DCAF12: variants seen among roughly 807,000 people sequenced by gnomAD.
The protein encoded by DCAF12 is DDB1- and CUL4-associated factor 12.
A neutral mutation model predicts 52.8 loss-of-function variants in DCAF12; 28 were observed. The observed-to-expected ratio is 0.53, with a 90% CI of 0.39 to 0.73. The LOEUF (loss-of-function observed/expected upper bound fraction) is 0.73. Ranked by LOEUF, DCAF12 falls within the 30% of genes least tolerant of loss-of-function variation. The pLI is 0.00. For missense variants in DCAF12, 425 were observed against 552.2 expected (o/e 0.77, Z 2.31); for synonymous variants, 196 against 215.5 (o/e 0.91, Z 0.79).
At chr9:34,088,597 C>T in intron 8 of DCAF12, 89 bp from the exon 9 acceptor site, 1 of 1,461,490 alleles carries the variant, frequency 6.8e-7, no homozygotes, top group South Asian at 1.2e-5. Context: ...TTCTGGTCTC[C>T]TTAAGGGAAC....
rs1430044252 is a variant in DCAF12, at chr9:34,102,464, C to T, written c.602-3947G>A. On this transcript the variant is annotated intron_variant, in intron 4 of 8. Coordinates refer to ENST00000361264, the MANE Select transcript of DCAF12 (RefSeq NM_015397.4). The stretch of plus-strand genomic sequence containing the variant: ...GATAACGAGGTCAGGAGTTTGAGAC[C>T]GACCTGACCAACATGGTGAAACCCT... Among the ~76,000 whole-genome samples the T allele has an allele frequency of 2.0e-5, 3 of 151,306 alleles. No individual in the cohort carries two copies. In the East Asian group the frequency reaches 5.9e-4, roughly 30 times the overall value.
chr9:34,091,604 C>T (rs1472974055), intron 7 of DCAF12, among the ~76,000 whole-genome samples: 2 of 142,864 alleles, frequency 1.4e-5, no homozygotes, highest in Admixed American at 7.3e-5. Flanking sequence ...CACCACTTTC[C>T]TCCAGCCTGG....
chr9:34,117,154 T>C (rs557275945), intron 2 of DCAF12, among the ~76,000 whole-genome samples: 1 of 152,348 alleles, frequency 6.6e-6, no homozygotes, highest in Non-Finnish European at 1.5e-5. Flanking sequence ...GAATCATGAC[T>C]TCGTGGAAGG....
chr9:34,094,554 G>T (rs1186258522), intron 6 of DCAF12, among the ~76,000 whole-genome samples: 2 of 142,962 alleles, frequency 1.4e-5, no homozygotes, highest in East Asian at 2.0e-4. Flanking sequence ...TTTTTGAGAC[G>T]GAGTCTCGCA....
chr9:34,122,619 G>C (rs1356799821), intron 2 of DCAF12, among the ~76,000 whole-genome samples: 1 of 151,924 alleles, frequency 6.6e-6, no homozygotes, highest in Non-Finnish European at 1.5e-5. Flanking sequence ...TGGGATTACA[G>C]GCACCCACCA....
intron 5 of DCAF12, among the ~76,000 whole-genome samples, chr9:34,097,724 G>C (rs534862722): frequency 1.3e-5 from 2 of 152,160 alleles, no homozygotes; most frequent in South Asian, 4.1e-4. Context: ...ACTGAGGTCA[G>C]GAGTTCAAGA....
At position 34,126,360 on chromosome 9, in the gene DCAF12, G is replaced by A; in HGVS notation, c.72C>T (p.Gly24=). 2 of 1,612,372 alleles carry A rather than the reference G, an allele frequency of 1.2e-6. No homozygotes were observed. The highest frequency in any genetic ancestry group is 1.7e-6 in the Non-Finnish European group (2 of 1,179,748). The part of the protein sequence containing the change: ...ASPGAGSDAQ[G]PQFGWDHSLH... ...CCGGCCTCTCAACCCTCACCTGCGG[G>A]CCCTGAGCGTCGCTCCCAGCTCCCG... Residue 24 remains glycine, a synonymous_variant, in exon 1 of 9, where the codon GGC becomes GGT. Coordinates refer to ENST00000361264, the MANE Select transcript of DCAF12 (RefSeq NM_015397.4).
intron 2 of DCAF12, among the ~76,000 whole-genome samples, chr9:34,124,749 A>AAAACAAAC (rs146296271): frequency 7.2e-5 from 11 of 152,320 alleles, no homozygotes; most frequent in Non-Finnish European, 1.3e-4. Flanking sequence ...ATATGAGGCA[A>AAAACAAAC]AAACAAACAA....
chr9:34,125,019 T>C lies in DCAF12; in HGVS notation c.333+4A>G, dbSNP rs571801308. The C allele has an allele frequency of 4.3e-6, 7 of 1,612,732 alleles. No individual in the cohort carries two copies. The South Asian group carries it at 5.5e-5, about 13-fold the overall frequency. On this transcript the variant is annotated splice_donor_region_variant and intron_variant, in intron 2 of 8. Transcript: ENST00000361264. ...AGAGAGGTCACATCCCCCCAGGCAC[T>C]TACCGTGTTGCATTTTGTGCCACAC...
intron 2 of DCAF12, among the ~76,000 whole-genome samples, chr9:34,107,895 T>G (rs1828929456): frequency 6.6e-6 from 1 of 152,156 alleles, no homozygotes; most frequent in Non-Finnish European, 1.5e-5. Flanking sequence ...TTTCTGTCAG[T>G]TTGGTCATAT....
Position 34,086,561 on chromosome 9 carries a change from T to C in DCAF12, c.*1789A>G, listed in dbSNP as rs544975349. The C allele has an allele frequency of 2.0e-5, 3 of 152,168 alleles. No homozygotes were observed. The highest frequency in any genetic ancestry group is 4.4e-5 in the Non-Finnish European group (3 of 67,986). The allele number at this position is 152,168 out of a possible 1,614,324, so 9.4% of individuals were successfully genotyped here. On this transcript the variant is annotated 3_prime_UTR_variant, in exon 9 of 9. Transcript: ENST00000361264. ...AAATATACAAGTCAGTTTAAAATGATAGAAGTTCTGTGAGAACTAAGAAAT... is the reference window on the plus strand; with the variant it reads ...AAATATACAAGTCAGTTTAAAATGACAGAAGTTCTGTGAGAACTAAGAAAT...
rs1359627182 is a variant in DCAF12, at chr9:34,087,559, T to C, written c.*791A>G. ...GGTGTGGCTACTGGCTAAGCAGATG[T>C]GAGGGTGGGAAGGGGAAGTGACACC... On this transcript the variant is annotated 3_prime_UTR_variant, in exon 9 of 9. Coordinates refer to ENST00000361264, the MANE Select transcript of DCAF12 (RefSeq NM_015397.4). 6.6e-6 allele frequency: 1 copy of C among 151,930 alleles called. No individual in the cohort carries two copies. Among genetic ancestry groups the C allele is most frequent in the Non-Finnish European group, 1.5e-5 (1 of 67,996 alleles). The allele number at this position is 151,930 out of a possible 1,614,324, so 9.4% of individuals were successfully genotyped here.
At chr9:34,116,317 T>C (rs1829087622) in intron 2 of DCAF12, among the ~76,000 whole-genome samples, 1 of 151,572 alleles carries the variant, frequency 6.6e-6, no homozygotes. Flanking sequence ...GCCACTGAAC[T>C]CCAGCCTGGG....
intron 4 of DCAF12, 31 bp from the exon 5 acceptor site, chr9:34,098,548 T>G: frequency 3.8e-6 from 6 of 1,597,742 alleles, no homozygotes; most frequent in Non-Finnish European, 5.1e-6. Flanking sequence ...AGATGTCAGA[T>G]GTACCCACCC....
rs1828679696 is a variant in DCAF12, at chr9:34,093,382, C to G, written c.928G>C (p.Val310Leu). 1.2e-6 allele frequency: 2 copies of G among 1,614,222 alleles called. No individual in the cohort carries two copies. The highest frequency in any genetic ancestry group is 4.5e-5 in the East Asian group (2 of 44,886). Residue 310 changes from valine (V) to leucine (L), a missense_variant, in exon 7 of 9, where the codon GTT becomes CTT. Around this residue, in one of 3 missense-constraint regions of DCAF12, gnomAD observed 328 missense variants for 444.4 expected, o/e 0.74. Coordinates refer to ENST00000361264, the MANE Select transcript of DCAF12 (RefSeq NM_015397.4). ...TGAGCTTGGGAGCCCACTGCATAAA[C>G]TGACCATTCACTACCATAAGCCAGA... ...VCLAYGSEWS[V>L]YAVGSQAHVS...
chr9:34,117,683 G>A (rs763805779), intron 2 of DCAF12, among the ~76,000 whole-genome samples: 9 of 152,184 alleles, frequency 5.9e-5, no homozygotes, highest in Admixed American at 2.0e-4. Context: ...GGGAGGCCCA[G>A]GCGGGAGGAT....
intron 7 of DCAF12, among the ~76,000 whole-genome samples, chr9:34,092,860 TTTGA>T (rs1208753164): frequency 1.3e-5 from 2 of 152,268 alleles, no homozygotes; most frequent in East Asian, 3.9e-4. Context: ...CCCCTTTTTT[TTTGA>T]GACAGAATTT....
At chr9:34,119,537 A>G (rs1352817538) in intron 2 of DCAF12, among the ~76,000 whole-genome samples, 1 of 152,090 alleles carries the variant, frequency 6.6e-6, no homozygotes, top group African/African-American at 2.4e-5. Flanking sequence ...ATTTATCACT[A>G]TTTACTTAAG....
chr9:34,120,687 A>C (rs1051494808), intron 2 of DCAF12, among the ~76,000 whole-genome samples: 4 of 141,208 alleles, frequency 2.8e-5, no homozygotes, highest in South Asian at 2.2e-4. Flanking sequence ...AAAAAAAAAA[A>C]GAAAACAAAG....
Sources: allele counts gnomAD v4.1 joint callset (sites outside exome capture counted in the v4.1 genomes callset), GRCh38; gene constraint gnomAD v4.1.1; regional missense constraint gnomAD v4.1.1; transcripts MANE v1.5; gene names NCBI Gene and HGNC (gene_info 2026-07-23, HGNC 2026-07-21).